CLSTN2: variants seen among roughly 807,000 people sequenced by gnomAD.
CLSTN2 encodes the protein calsyntenin 2.
Under a neutral mutation model 101.2 loss-of-function variants are expected in CLSTN2, and 48 were observed. That is an observed-to-expected ratio of 0.47 (90% CI 0.38 to 0.60). The LOEUF is 0.60. Among genes scored for constraint, CLSTN2 ranks in the 20% least tolerant of loss-of-function variants. The pLI, the probability that CLSTN2 is intolerant of heterozygous loss-of-function variation, is 0.00. For missense variants in CLSTN2, 1,160 were observed against 1,238.2 expected (o/e 0.94, Z 0.95); for synonymous variants, 481 against 463.6 (o/e 1.04, Z -0.48).
At chr3:140,501,485 C>T (rs940063370) in intron 8 of CLSTN2, among the ~76,000 whole-genome samples, 4 of 152,216 alleles carry the variant, frequency 2.6e-5, no homozygotes, top group Non-Finnish European at 2.9e-5. Flanking sequence ...CCCAGACAAA[C>T]TCTGTAAGAG....
intron 1 of CLSTN2, among the ~76,000 whole-genome samples, chr3:140,092,093 G>A (rs1197036908): frequency 6.6e-6 from 1 of 152,194 alleles, no homozygotes; most frequent in East Asian, 1.9e-4. Flanking sequence ...AGGCTGCTGT[G>A]AGAATACTTC....
At chr3:140,059,767 C>T (rs1022236673) in intron 1 of CLSTN2, among the ~76,000 whole-genome samples, 5 of 152,188 alleles carry the variant, frequency 3.3e-5, no homozygotes, top group African/African-American at 1.2e-4. Context: ...GCTGAACCTG[C>T]AACCTTTCTG....
intron 1 of CLSTN2, among the ~76,000 whole-genome samples, chr3:140,074,885 G>C (rs1055017069): frequency 9.2e-5 from 14 of 152,112 alleles, no homozygotes; most frequent in Non-Finnish European, 2.1e-4. Context: ...CCCAGTCAGG[G>C]GCTCACTCTC....
At chr3:140,259,183 T>C (rs2086628516) in intron 2 of CLSTN2, among the ~76,000 whole-genome samples, 2 of 144,560 alleles carry the variant, frequency 1.4e-5, no homozygotes, top group Non-Finnish European at 3.0e-5. Context: ...AAAAAAAAGC[T>C]GCACACGGGC....
chr3:139,996,898 T>C (rs938805512), intron 1 of CLSTN2, among the ~76,000 whole-genome samples: 26 of 151,618 alleles, frequency 1.7e-4, no homozygotes, highest in Non-Finnish European at 3.8e-4. Context: ...AAATACAAAA[T>C]TAGCCGGGCG....
intron 1 of CLSTN2, among the ~76,000 whole-genome samples, chr3:140,163,419 T>TACACACACACACACACACACACACAC (rs60464575): frequency 1.0e-3 from 150 of 145,116 alleles, no homozygotes; most frequent in African/African-American, 3.4e-3. Flanking sequence ...TTTCTATCTC[T>TACACACACACACACACACACACACAC]ACACACACAC....
At chr3:140,437,489 A>G (rs2088700346) in intron 5 of CLSTN2, among the ~76,000 whole-genome samples, 2 of 152,180 alleles carry the variant, frequency 1.3e-5, no homozygotes, top group African/African-American at 4.8e-5. Flanking sequence ...CTCAAATTCC[A>G]AGGCTTTTGC....
At chr3:140,007,665 C>G (rs1489195823) in intron 1 of CLSTN2, among the ~76,000 whole-genome samples, 1 of 152,198 alleles carries the variant, frequency 6.6e-6, no homozygotes, top group Non-Finnish European at 1.5e-5. Context: ...GAGGCTCGGT[C>G]TGGCTCTCCT....
At chr3:140,470,379 G>A (rs1007592420) in intron 8 of CLSTN2, among the ~76,000 whole-genome samples, 1 of 152,236 alleles carries the variant, frequency 6.6e-6, no homozygotes, top group East Asian at 1.9e-4. Context: ...GGGCACCTGG[G>A]GCTGAAAGCC....
chr3:140,293,685 G>A (rs1416847045), intron 2 of CLSTN2, among the ~76,000 whole-genome samples: 2 of 152,080 alleles, frequency 1.3e-5, no homozygotes, highest in East Asian at 1.9e-4. Flanking sequence ...TGAAGAAGAC[G>A]TTGATACCAT....
chr3:140,205,211 C>T (rs973244308), intron 2 of CLSTN2, among the ~76,000 whole-genome samples: 1 of 152,180 alleles, frequency 6.6e-6, no homozygotes, highest in Non-Finnish European at 1.5e-5. Context: ...GATTTAACTA[C>T]CAAATCCTAT....
chr3:140,559,240 T>G (rs1304594144), intron 12 of CLSTN2, among the ~76,000 whole-genome samples: 1 of 151,946 alleles, frequency 6.6e-6, no homozygotes, highest in Non-Finnish European at 1.5e-5. Flanking sequence ...CTGAGAGGCA[T>G]AACGAGAGCC....
At chr3:140,046,979 C>T (rs2007894672) in intron 1 of CLSTN2, among the ~76,000 whole-genome samples, 1 of 151,836 alleles carries the variant, frequency 6.6e-6, no homozygotes, top group African/African-American at 2.4e-5. Flanking sequence ...ATTTGCCTAC[C>T]ACGTATATTA....
At chr3:140,278,860 C>A (rs2086819509) in intron 2 of CLSTN2, among the ~76,000 whole-genome samples, 1 of 152,062 alleles carries the variant, frequency 6.6e-6, no homozygotes, top group Non-Finnish European at 1.5e-5. Context: ...GCTGAGACTA[C>A]AAGTGCCTGC....
At chr3:140,101,799 A>T (rs2008970489) in intron 1 of CLSTN2, among the ~76,000 whole-genome samples, 1 of 152,146 alleles carries the variant, frequency 6.6e-6, no homozygotes, top group Non-Finnish European at 1.5e-5. Context: ...AAGGGGAGGA[A>T]ACGATGGAAA....
chr3:140,494,165 G>A (rs996481688), intron 8 of CLSTN2, among the ~76,000 whole-genome samples: 1 of 152,140 alleles, frequency 6.6e-6, no homozygotes, highest in Non-Finnish European at 1.5e-5. Flanking sequence ...GTGACCCTCT[G>A]CTAAAGAATA....
intron 2 of CLSTN2, among the ~76,000 whole-genome samples, chr3:140,204,233 T>C (rs899828325): frequency 6.6e-6 from 1 of 152,212 alleles, no homozygotes. Context: ...TAGTTGTTTT[T>C]ATTTGGGGCC....
At chr3:140,541,524 G>A (rs914467925) in intron 9 of CLSTN2, among the ~76,000 whole-genome samples, 2 of 152,170 alleles carry the variant, frequency 1.3e-5, no homozygotes, top group African/African-American at 4.8e-5. Context: ...GGTCACTAAT[G>A]GTCTGTCAGA....
intron 5 of CLSTN2, among the ~76,000 whole-genome samples, chr3:140,423,863 C>G (rs1184364271): frequency 3.9e-5 from 6 of 152,190 alleles, no homozygotes; most frequent in Admixed American, 3.9e-4. Flanking sequence ...AATGTTTAGG[C>G]AACCGGGATT....
Sources: allele counts gnomAD v4.1 joint callset (sites outside exome capture counted in the v4.1 genomes callset), GRCh38; gene constraint gnomAD v4.1.1; transcripts MANE v1.5; gene names NCBI Gene and HGNC (gene_info 2026-07-23, HGNC 2026-07-21).